The following DPP6 variants were observed in gnomAD, a reference collection of about 807,000 sequenced individuals.
DPP6 encodes the protein dipeptidyl peptidase like 6.
DPP6 carries 69 observed loss-of-function variants against 122.6 expected under a neutral mutation model. The observed-to-expected ratio is 0.56, with a 90% CI of 0.46 to 0.69. DPP6 has a LOEUF of 0.69. Ranked by LOEUF, DPP6 falls within the 30% of genes least tolerant of loss-of-function variation. DPP6 has a pLI of 0.00. For missense variants in DPP6, 928 were observed against 1,116.9 expected, an observed-to-expected ratio of 0.83 and a Z score of 2.41; for synonymous variants, 418 against 433.1, an observed-to-expected ratio of 0.97 and a Z score of 0.43.
At chr7:153,819,087 T>TTG in the DPP6 span, among the ~76,000 whole-genome samples, 1 of 141,306 alleles carries the variant, frequency 7.1e-6, no homozygotes, top group Non-Finnish European at 1.5e-5. Flanking sequence ...CTTTTTTTTT[T>TTG]TTTTTTAACT....
intron 1 of DPP6, among the ~76,000 whole-genome samples, chr7:154,322,843 A>G (rs1034675683): frequency 6.6e-6 from 1 of 152,224 alleles, no homozygotes; most frequent in Admixed American, 6.5e-5. Flanking sequence ...TTAGCTAAAT[A>G]TGCCTGCTTC....
At chr7:154,381,508 C>T (rs1020262735) in intron 1 of DPP6, among the ~76,000 whole-genome samples, 2 of 152,152 alleles carry the variant, frequency 1.3e-5, no homozygotes, top group African/African-American at 2.4e-5. Context: ...TGTGTATACA[C>T]ATCTATAATG....
chr7:154,769,322 C>T (rs926390453), intron 8 of DPP6, 95 bp from the exon 9 acceptor site: 21 of 1,534,556 alleles, frequency 1.4e-5, no homozygotes, highest in Non-Finnish European at 1.8e-5. Context: ...TGCAGGGACT[C>T]GTTTCTTTCC....
chr7:154,235,683 C>A (rs1445307636), intron 1 of DPP6, among the ~76,000 whole-genome samples: 2 of 152,042 alleles, frequency 1.3e-5, no homozygotes, highest in East Asian at 3.9e-4. Context: ...AAGCTAGAAT[C>A]CCTGTTTTTC....
chr7:154,693,855 G>A (rs1030059811), intron 7 of DPP6, among the ~76,000 whole-genome samples: 7 of 152,104 alleles, frequency 4.6e-5, no homozygotes, highest in African/African-American at 9.7e-5. Context: ...GTCTAAGTCT[G>A]GGCAAAAACA....
At chr7:154,722,651 G>A (rs1023377127) in intron 7 of DPP6, among the ~76,000 whole-genome samples, 2 of 152,128 alleles carry the variant, frequency 1.3e-5, no homozygotes, top group African/African-American at 2.4e-5. Flanking sequence ...TTGAGTGAGG[G>A]TGGCCCACGG....
At chr7:154,575,668 TGTGTGTG>T (rs1831614316) in intron 5 of DPP6, among the ~76,000 whole-genome samples, 1 of 143,202 alleles carries the variant, frequency 7.0e-6, no homozygotes, top group Non-Finnish European at 1.5e-5. Context: ...TGTGTGTGTA[TGTGTGTG>T]GTGTGTGTGG....
intron 10 of DPP6, among the ~76,000 whole-genome samples, chr7:154,777,771 G>T (rs924505591): frequency 6.6e-6 from 1 of 152,100 alleles, no homozygotes; most frequent in Non-Finnish European, 1.5e-5. Flanking sequence ...AGGCGGTAAA[G>T]GGCTCCCAGA....
At chr7:154,377,831 C>T (rs1362417448) in intron 1 of DPP6, among the ~76,000 whole-genome samples, 1 of 152,130 alleles carries the variant, frequency 6.6e-6, no homozygotes, top group Non-Finnish European at 1.5e-5. Context: ...AATCACTATT[C>T]AATATAGCTT....
chr7:153,818,173 T>C, the DPP6 span, among the ~76,000 whole-genome samples: 1 of 151,858 alleles, frequency 6.6e-6, no homozygotes, highest in African/African-American at 2.4e-5. Flanking sequence ...ATTCTCAAAC[T>C]TTATTCGTAA....
At chr7:153,755,528 C>G in the DPP6 span, among the ~76,000 whole-genome samples, 1 of 150,992 alleles carries the variant, frequency 6.6e-6, no homozygotes, top group South Asian at 2.1e-4. Flanking sequence ...TCATAAGAAG[C>G]AAAACCTACT....
At chr7:153,828,172 C>T in the DPP6 span, among the ~76,000 whole-genome samples, 1 of 152,108 alleles carries the variant, frequency 6.6e-6, no homozygotes, top group Non-Finnish European at 1.5e-5. Context: ...ATGAGAGGCC[C>T]ACTTCCTCTG....
At chr7:154,166,432 A>G (rs1189867370) in intron 1 of DPP6, among the ~76,000 whole-genome samples, 2 of 152,106 alleles carry the variant, frequency 1.3e-5, no homozygotes, top group African/African-American at 4.8e-5. Flanking sequence ...ACTGTGCATC[A>G]TAAGAGGGGA....
the DPP6 span, among the ~76,000 whole-genome samples, chr7:153,818,710 G>T: frequency 4.0e-5 from 6 of 151,558 alleles, no homozygotes; most frequent in Non-Finnish European, 5.9e-5. Context: ...CTCTGGGCAG[G>T]GAGGGAAGAA....
At chr7:153,860,527 G>A in the DPP6 span, among the ~76,000 whole-genome samples, 7 of 152,114 alleles carry the variant, frequency 4.6e-5, no homozygotes, top group Admixed American at 1.3e-4. Flanking sequence ...CACCCTTCCC[G>A]GGTTGCAGGG....
At chr7:154,165,319 C>T (rs567262661) in intron 1 of DPP6, among the ~76,000 whole-genome samples, 1 of 142,522 alleles carries the variant, frequency 7.0e-6, no homozygotes, top group East Asian at 2.0e-4. Context: ...ATCCATGTCC[C>T]TACAAAGGAC....
chr7:154,105,011 C>G (rs1806050723), intron 1 of DPP6, among the ~76,000 whole-genome samples: 1 of 152,146 alleles, frequency 6.6e-6, no homozygotes, highest in African/African-American at 2.4e-5. Context: ...GCCTGCGGTC[C>G]CAGCTACTCC....
At chr7:154,082,594 G>A (rs1347195020) in intron 1 of DPP6, among the ~76,000 whole-genome samples, 10 of 151,774 alleles carry the variant, frequency 6.6e-5, no homozygotes. Flanking sequence ...CACAGAAGGG[G>A]CCCACTAAGC....
intron 1 of DPP6, chr7:154,305,533 C>A: frequency 1.9e-6 from 3 of 1,604,022 alleles, no homozygotes; most frequent in Non-Finnish European, 2.6e-6. Context: ...CGGGGAAATC[C>A]GTGCAGCAGC....
Sources: gnomAD v4.1 joint callset for allele counts (sites outside exome capture counted in the v4.1 genomes callset) on GRCh38, gnomAD v4.1.1 for gene constraint, MANE v1.5 for transcripts, NCBI Gene and HGNC (gene_info 2026-07-23, HGNC 2026-07-21) for gene names.